IPCEF1: variants seen among roughly 807,000 people sequenced by gnomAD.
IPCEF1 encodes the protein interaction protein for cytohesin exchange factors 1.
In IPCEF1, 31 loss-of-function variants were observed where a neutral mutation model predicts 50.9. The observed-to-expected ratio is 0.61, with a 90% CI of 0.46 to 0.82. IPCEF1 has a LOEUF of 0.82. IPCEF1 is among the 40% of genes least tolerant of loss of function. The probability of loss-of-function intolerance (pLI) is 0.00; values close to 1 mark genes in which losing one functional copy is unlikely to be tolerated. For synonymous variants in IPCEF1, 181 were observed against 192.0 expected (o/e 0.94, Z 0.47); for missense variants, 458 against 514.0 (o/e 0.89, Z 1.05).
intron 10 of IPCEF1, among the ~76,000 whole-genome samples, chr6:154,172,821 G>A (rs576423972): frequency 4.9e-4 from 74 of 152,330 alleles, no homozygotes; most frequent in Non-Finnish European, 8.4e-4. Flanking sequence ...CTCCCAGCAC[G>A]GCATTCGATC....
chr6:154,186,575 G>A (rs1159305767), intron 10 of IPCEF1, among the ~76,000 whole-genome samples: 1 of 145,586 alleles, frequency 6.9e-6, no homozygotes, highest in East Asian at 2.3e-4. Context: ...TTTTTTTTTT[G>A]AGACGGAGTC....
In IPCEF1 at chr6:154,207,128, G is replaced by A. The variant is rs536221263; in HGVS notation, c.537+5642C>T. 1.6e-4 allele frequency among the ~76,000 whole-genome samples: 24 copies of A among 152,346 alleles called. 2 individuals carry two copies. Among genetic ancestry groups the A allele is most frequent in the South Asian group, 1.2e-3 (6 of 4,822 alleles). ...TATTTCAATAACTCAGGTCAGGGCT[G>A]ATGAGGGCCTCAACTAGGCAGTGGG... On this transcript the variant is annotated intron_variant, in intron 9 of 11. Coordinates refer to ENST00000367220, the MANE Select transcript of IPCEF1 (RefSeq NM_001130700.2).
chr6:154,229,354 T>G (rs1023435586), intron 5 of IPCEF1, among the ~76,000 whole-genome samples: 1 of 147,600 alleles, frequency 6.8e-6, no homozygotes, highest in Non-Finnish European at 1.5e-5. Flanking sequence ...CGGTTTTTTT[T>G]TTTTTTTTTT....
intron 1 of IPCEF1, among the ~76,000 whole-genome samples, chr6:154,315,404 C>T (rs902922801): frequency 2.6e-5 from 4 of 152,178 alleles, no homozygotes; most frequent in African/African-American, 9.7e-5. Flanking sequence ...AGAAACTGAA[C>T]AGCTTTCTCT....
At chr6:154,250,549 T>C (rs1781312573) in intron 3 of IPCEF1, among the ~76,000 whole-genome samples, 1 of 152,226 alleles carries the variant, frequency 6.6e-6, no homozygotes, top group South Asian at 2.1e-4. Context: ...AAAACTTCAT[T>C]TGGCCACGAA....
At chr6:154,305,333 T>G (rs560614025) in intron 1 of IPCEF1, among the ~76,000 whole-genome samples, 1 of 152,256 alleles carries the variant, frequency 6.6e-6, no homozygotes, top group South Asian at 2.1e-4. Context: ...CCATCAGTAA[T>G]TCTACCATGC....
chr6:154,172,546 CAGTCTGAGATTGT>C (rs1799960250), intron 10 of IPCEF1, among the ~76,000 whole-genome samples: 4 of 152,350 alleles, frequency 2.6e-5, no homozygotes, highest in African/African-American at 9.6e-5. Context: ...GCTAGCACAG[CAGTCTGAGATTGT>C]CCTGGGATGC....
At chr6:154,343,433 G>A (rs1199715161) in intron 1 of IPCEF1, among the ~76,000 whole-genome samples, 2 of 152,160 alleles carry the variant, frequency 1.3e-5, no homozygotes, top group Admixed American at 1.3e-4. Context: ...TCAGGAAAGT[G>A]CCATTTTATT....
rs116384050 is a variant in IPCEF1 at position 154,306,992 on chromosome 6, C to T, written c.-61-17236G>A. Among the ~76,000 whole-genome samples the T allele has an allele frequency of 8.2e-3, 1,253 of 152,206 alleles. 18 individuals carry two copies. Among genetic ancestry groups the T allele is most frequent in the African/African-American group, 0.028 (1,169 of 41,540 alleles). On this transcript the variant is annotated intron_variant, in intron 1 of 11. Transcript: ENST00000367220. ...AAAATACCGCAGACTGGGTGGCTTCCGCAACAGACATTCATCCGCTCACAG... is the reference window on the plus strand; with the variant it reads ...AAAATACCGCAGACTGGGTGGCTTCTGCAACAGACATTCATCCGCTCACAG...
intron 3 of IPCEF1, among the ~76,000 whole-genome samples, chr6:154,250,197 C>T (rs1474146359): frequency 1.3e-5 from 2 of 151,682 alleles, no homozygotes; most frequent in Non-Finnish European, 2.9e-5. Flanking sequence ...GGAAGTGGAA[C>T]CCGTGAACTA....
At chr6:154,213,071 C>T in intron 8 of IPCEF1, 2 of 518,072 alleles carry the variant, frequency 3.9e-6, no homozygotes, top group East Asian at 6.0e-5. Context: ...AAAGAGCATC[C>T]AATATGCAGG....
Position 154,155,510 on chromosome 6 carries a change from C to T in IPCEF1, c.*4318G>A, listed in dbSNP as rs1268810451. On this transcript the variant is annotated 3_prime_UTR_variant, in exon 12 of 12. Coordinates refer to ENST00000367220, the MANE Select transcript of IPCEF1 (RefSeq NM_001130700.2). ...GTATGTGGCTATATCAAAATACTGT[C>T]TTTCGGCCAGGTGTGGTGGCTCACA... 6.6e-6 allele frequency: 1 copy of T among 152,164 alleles called. No homozygotes were observed. Among genetic ancestry groups the T allele is most frequent in the African/African-American group, 2.4e-5 (1 of 41,426 alleles). 9.4% of individuals were successfully genotyped at this position (152,164 alleles called of 1,614,324 possible). A position where few individuals can be genotyped will look rare whatever the true frequency, so the allele number is the denominator to read the frequency against.
chr6:154,344,115 C>T (rs1056452521), intron 1 of IPCEF1, among the ~76,000 whole-genome samples: 1 of 152,312 alleles, frequency 6.6e-6, no homozygotes, highest in East Asian at 1.9e-4. Flanking sequence ...TGGTATCCAC[C>T]ACACTCCGAG....
intron 2 of IPCEF1, among the ~76,000 whole-genome samples, chr6:154,273,899 G>T (rs1318339757): frequency 6.0e-5 from 9 of 150,354 alleles, no homozygotes; most frequent in African/African-American, 2.0e-4. Flanking sequence ...GACTGCAGGC[G>T]CCCGCCACCA....
chr6:154,200,540 T>C (rs1776980197), intron 9 of IPCEF1, among the ~76,000 whole-genome samples: 1 of 151,856 alleles, frequency 6.6e-6, no homozygotes, highest in African/African-American at 2.4e-5. Flanking sequence ...GGCCAGTATG[T>C]TGAAACCCCA....
chr6:154,194,792 AT>A (rs34540521), intron 10 of IPCEF1, among the ~76,000 whole-genome samples: 14,346 of 152,152 alleles, frequency 0.094, 1,012 homozygotes, highest in African/African-American at 0.19. Context: ...ACTCATAGAG[AT>A]CTTTAGCCAC....
At chr6:154,284,072 A>C (rs1782294573) in intron 2 of IPCEF1, among the ~76,000 whole-genome samples, 1 of 152,180 alleles carries the variant, frequency 6.6e-6, no homozygotes, top group Non-Finnish European at 1.5e-5. Flanking sequence ...TCCTATTCCT[A>C]GCTTGATATC....
chr6:154,261,085 G>T (rs1781588500), intron 3 of IPCEF1, among the ~76,000 whole-genome samples: 1 of 152,108 alleles, frequency 6.6e-6, no homozygotes, highest in African/African-American at 2.4e-5. Flanking sequence ...TTGCTCTGTA[G>T]CCAAGACTGG....
At chr6:154,257,111 T>G (rs987145495) in intron 3 of IPCEF1, among the ~76,000 whole-genome samples, 4 of 152,256 alleles carry the variant, frequency 2.6e-5, no homozygotes, top group Non-Finnish European at 5.9e-5. Context: ...CTGTATATCC[T>G]GTCACTGATC....
Sources: allele counts gnomAD v4.1 joint callset (sites outside exome capture counted in the v4.1 genomes callset), GRCh38; gene constraint gnomAD v4.1.1; transcripts MANE v1.5; gene names NCBI Gene and HGNC (gene_info 2026-07-23, HGNC 2026-07-21).